Variants in TRMT11 observed in about 807,000 individuals in gnomAD.
TRMT11 encodes the protein tRNA (guanine(10)-N(2))-methyltransferase TRMT11.
Under a neutral mutation model 62.8 loss-of-function variants are expected in TRMT11, and 53 were observed. The observed-to-expected ratio is 0.84, with a 90% CI of 0.68 to 1.06. The LOEUF (loss-of-function observed/expected upper bound fraction) is 1.06. TRMT11 is among the 50% of genes least tolerant of loss of function. The pLI, the probability that TRMT11 is intolerant of heterozygous loss-of-function variation, is 0.00. For missense variants in TRMT11, 556 were observed against 553.4 expected (o/e 1.00, Z -0.05); for synonymous variants, 188 against 190.3 (o/e 0.99, Z 0.10).
downstream of TRMT11, among the ~76,000 whole-genome samples, chr6:126,207,532 C>A (rs1778801805): frequency 6.6e-6 from 1 of 152,130 alleles, no homozygotes. Flanking sequence ...GCCAAAATGT[C>A]CCTTTTTGTA....
rs199550556 is a variant in TRMT11, at chr6:125,986,555, C to A, written c.5C>A (p.Ala2Glu). Residue 2 changes from alanine (A) to glutamate (E), a missense_variant, in exon 1 of 13, where the codon GCG (alanine) becomes GAG (glutamate). Ala to Glu is a moderately radical substitution (Grantham distance 107). Coordinates refer to ENST00000334379, the MANE Select transcript of TRMT11 (RefSeq NM_001031712.3). ...GGCGCACGGTGGGCAGCTGCAATGG[C>A]GCTGTCGTGTACCCTTAACAGGTAT... MALSCTLNRYLL... is the reference protein window; with the variant it reads MELSCTLNRYLL... The A allele has an allele frequency of 1.9e-6, 3 of 1,588,740 alleles. No homozygotes were observed. The Admixed American group carries it at 5.3e-5, about 28-fold the overall frequency.
intron 7 of TRMT11, among the ~76,000 whole-genome samples, chr6:126,003,414 C>T (rs1479398867): frequency 1.3e-5 from 2 of 152,016 alleles, no homozygotes; most frequent in Non-Finnish European, 2.9e-5. Context: ...AGTAGGATTT[C>T]TGGGTTGAAG....
chr6:126,217,710 A>G, the TRMT11 span, among the ~76,000 whole-genome samples: 1 of 152,058 alleles, frequency 6.6e-6, no homozygotes, highest in African/African-American at 2.4e-5. Context: ...GCACAGCACT[A>G]GGTGGGTCTT....
chr6:126,268,353 C>A, the TRMT11 span, among the ~76,000 whole-genome samples: 1 of 152,108 alleles, frequency 6.6e-6, no homozygotes, highest in Admixed American at 6.5e-5. Flanking sequence ...GATAGTGTTA[C>A]ACTTCCCTCA....
chr6:126,051,836 T>C (rs190601471), intron 16 of TRMT11, among the ~76,000 whole-genome samples: 3 of 152,196 alleles, frequency 2.0e-5, no homozygotes, highest in Admixed American at 6.5e-5. Flanking sequence ...TAGCAGGCTT[T>C]TGAGTATCCA....
intron 17 of TRMT11, among the ~76,000 whole-genome samples, chr6:126,092,989 T>G (rs1777294356): frequency 6.6e-6 from 1 of 152,234 alleles, no homozygotes; most frequent in Admixed American, 6.5e-5. Context: ...TGTTCAAAGT[T>G]CTTAAGTGCT....
chr6:126,191,516 T>C (rs1160086366), intron 1 of TRMT11, among the ~76,000 whole-genome samples: 1 of 148,394 alleles, frequency 6.7e-6, no homozygotes, highest in East Asian at 2.0e-4. Flanking sequence ...GATCTTGCCC[T>C]GCCCTCAAAA....
chr6:126,000,230 A>C (rs185130575), intron 7 of TRMT11, among the ~76,000 whole-genome samples: 1 of 152,140 alleles, frequency 6.6e-6, no homozygotes, highest in Non-Finnish European at 1.5e-5. Context: ...GACTCTGTGC[A>C]GACTTTTTCC....
the TRMT11 span, among the ~76,000 whole-genome samples, chr6:126,218,275 C>T: frequency 1.3e-5 from 2 of 152,268 alleles, no homozygotes; most frequent in South Asian, 2.1e-4. Context: ...CTTTCCTGTT[C>T]TCAAGCACAA....
chr6:126,128,080 G>A (rs1187325065), intron 21 of TRMT11, among the ~76,000 whole-genome samples: 1 of 151,958 alleles, frequency 6.6e-6, no homozygotes, highest in African/African-American at 2.4e-5. Context: ...ATTAATATGT[G>A]GATATGATCT....
At chr6:126,258,729 T>A in the TRMT11 span, among the ~76,000 whole-genome samples, 1 of 152,214 alleles carries the variant, frequency 6.6e-6, no homozygotes, top group Admixed American at 6.5e-5. Flanking sequence ...AATGTCTAAT[T>A]TTTAATCTTT....
chr6:126,184,065 C>G (rs1266356375), intron 1 of TRMT11, among the ~76,000 whole-genome samples: 1 of 152,092 alleles, frequency 6.6e-6, no homozygotes, highest in Non-Finnish European at 1.5e-5. Context: ...TCTTATTTGG[C>G]TTTATAATAA....
chr6:126,199,417 G>T (rs1026110930), intron 2 of TRMT11, among the ~76,000 whole-genome samples: 2 of 152,122 alleles, frequency 1.3e-5, no homozygotes, highest in African/African-American at 4.8e-5. Context: ...GATCATGTTT[G>T]CTTTGGTCGA....
rs143118333 is a variant in TRMT11, at chr6:126,171,748, C to T, written c.*1824-3077C>T. ...TTTCTTTTTTTAAGAGAGAGAGTTT[C>T]GCTCTTGTCGCCCAGGCTGGAGTGC... On this transcript the variant is annotated intron_variant and NMD_transcript_variant, in intron 21 of 22. Coordinates refer to the TRMT11 transcript ENST00000648977. Among the ~76,000 whole-genome samples the T allele has an allele frequency of 5.4e-3, 822 of 152,154 alleles. 7 individuals carry two copies. Among genetic ancestry groups the T allele is most frequent in the African/African-American group, 0.019 (770 of 41,514 alleles).
chr6:125,988,051 A>G (rs552194800), intron 1 of TRMT11, among the ~76,000 whole-genome samples: 1 of 152,314 alleles, frequency 6.6e-6, no homozygotes, highest in Non-Finnish European at 1.5e-5. Flanking sequence ...ATTAAGGGAA[A>G]GTCGGAGGAG....
downstream of TRMT11, among the ~76,000 whole-genome samples, chr6:126,203,570 A>G (rs918645176): frequency 6.6e-6 from 1 of 152,198 alleles, no homozygotes; most frequent in African/African-American, 2.4e-5. Flanking sequence ...GCCAGCTTGT[A>G]CTAGTGTATC....
the TRMT11 span, chr6:126,258,373 C>T: frequency 2.8e-6 from 1 of 358,572 alleles, no homozygotes; most frequent in Non-Finnish European, 5.4e-6. Flanking sequence ...GTGCATCAGT[C>T]CCCTCACTGT....
intron 1 of TRMT11, among the ~76,000 whole-genome samples, chr6:126,188,659 T>C (rs1444886436): frequency 6.6e-6 from 1 of 152,186 alleles, no homozygotes. Flanking sequence ...TAGTTCATAA[T>C]GGGTGAAACA....
downstream of TRMT11, chr6:126,202,374 A>T (rs1224047120): frequency 1.3e-5 from 2 of 152,204 alleles, no homozygotes; most frequent in Non-Finnish European, 2.9e-5. Flanking sequence ...GTTAGTCAGA[A>T]TTTCATCCAG....
Sources: allele counts gnomAD v4.1 joint callset (sites outside exome capture counted in the v4.1 genomes callset), GRCh38; gene constraint gnomAD v4.1.1; transcripts MANE v1.5; gene names NCBI Gene and HGNC (gene_info 2026-07-23, HGNC 2026-07-21).